The following UTRN variants were observed in gnomAD, a reference collection of about 807,000 sequenced individuals.
UTRN encodes the protein dystrophin-related protein 1.
A neutral mutation model predicts 463.9 loss-of-function variants in UTRN; 283 were observed. The observed-to-expected ratio is 0.61, with a 90% CI of 0.55 to 0.67. The LOEUF (loss-of-function observed/expected upper bound fraction) is 0.67, where lower values mean the gene tolerates loss of function less well. Among genes scored for constraint, UTRN ranks in the 30% least tolerant of loss-of-function variants. The pLI is 0.00. For missense variants in UTRN, 3,922 were observed against 4,084.3 expected (o/e 0.96, Z 1.08); for synonymous variants, 1,442 against 1,431.5 (o/e 1.01, Z -0.17).
intron 53 of UTRN, among the ~76,000 whole-genome samples, chr6:144,709,048 T>C (rs765650628): frequency 2.0e-5 from 3 of 152,218 alleles, no homozygotes; most frequent in Non-Finnish European, 2.9e-5. Flanking sequence ...CAAACCCTCA[T>C]GACCTAATCA....
chr6:144,371,112 T>A (rs891240845), intron 2 of UTRN, among the ~76,000 whole-genome samples: 2 of 152,256 alleles, frequency 1.3e-5, no homozygotes, highest in African/African-American at 4.8e-5. Context: ...TGTGCCAGAA[T>A]AGAGTCAAGT....
intron 2 of UTRN, among the ~76,000 whole-genome samples, chr6:144,387,793 T>C (rs1017698158): frequency 1.3e-5 from 2 of 152,192 alleles, no homozygotes; most frequent in African/African-American, 2.4e-5. Context: ...GGAGCTTTTT[T>C]TGTTTTTGGT....
chr6:144,505,992 C>G (rs1343270746), intron 34 of UTRN, among the ~76,000 whole-genome samples: 1 of 152,058 alleles, frequency 6.6e-6, no homozygotes, highest in Non-Finnish European at 1.5e-5. Context: ...GCATTGATCC[C>G]TTTACCATTC....
chr6:144,456,272 A>G lies in UTRN; in HGVS notation c.2284+2403A>G, dbSNP rs545175490. On this transcript the variant is annotated intron_variant, in intron 19 of 74. Coordinates refer to ENST00000367545, the MANE Select transcript of UTRN (RefSeq NM_007124.3). ...AACCAGTTCCATCAAAAAGCCCACC[A>G]TAGCCAATTCTGATAGGTCTTTCCT... Among the ~76,000 whole-genome samples the G allele has an allele frequency of 5.3e-5, 8 of 152,318 alleles. No individual in the cohort carries two copies. In the South Asian group the frequency reaches 1.2e-3, roughly 24 times the overall value.
intron 51 of UTRN, among the ~76,000 whole-genome samples, chr6:144,606,680 T>A (rs1804881634): frequency 6.6e-6 from 1 of 152,246 alleles, no homozygotes; most frequent in Non-Finnish European, 1.5e-5. Flanking sequence ...ATTCTATAAA[T>A]TTGATCTTAC....
At chr6:144,501,769 A>T (rs534211568) in intron 34 of UTRN, among the ~76,000 whole-genome samples, 1 of 152,318 alleles carries the variant, frequency 6.6e-6, no homozygotes, top group African/African-American at 2.4e-5. Context: ...CCCTAAAAGT[A>T]TTGATCAAGG....
intron 64 of UTRN, among the ~76,000 whole-genome samples, chr6:144,802,161 C>G (rs530013473): frequency 1.0e-3 from 154 of 152,324 alleles, no homozygotes; most frequent in South Asian, 1.2e-3. Context: ...TCATACCTGT[C>G]AAGCCATGCT....
intron 69 of UTRN, among the ~76,000 whole-genome samples, chr6:144,831,709 G>A (rs1780688684): frequency 6.6e-6 from 1 of 152,166 alleles, no homozygotes; most frequent in African/African-American, 2.4e-5. Flanking sequence ...TAGGACTCAT[G>A]ACGGTTCTGG....
At chr6:144,716,086 C>T (rs2128706235) in intron 53 of UTRN, among the ~76,000 whole-genome samples, 1 of 152,222 alleles carries the variant, frequency 6.6e-6, no homozygotes, top group East Asian at 1.9e-4. Flanking sequence ...CACAATGGCA[C>T]TTTATGCCTT....
intron 51 of UTRN, among the ~76,000 whole-genome samples, chr6:144,578,823 C>T (rs986310822): frequency 1.3e-5 from 2 of 152,110 alleles, no homozygotes; most frequent in South Asian, 2.1e-4. Flanking sequence ...TTTTTAAATC[C>T]GTTCTTAGGA....
chr6:144,535,564 C>T (rs1797456475), intron 43 of UTRN, among the ~76,000 whole-genome samples: 2 of 152,150 alleles, frequency 1.3e-5, no homozygotes, highest in African/African-American at 2.4e-5. Context: ...TGAATCTCTT[C>T]CCCAACAGCT....
At position 144,564,430 on chromosome 6, in the gene UTRN, A is replaced by G. The variant is rs187575377; in HGVS notation, c.7289+7119A>G. On this transcript the variant is annotated intron_variant, in intron 50 of 74. Coordinates refer to ENST00000367545, the MANE Select transcript of UTRN (RefSeq NM_007124.3). ...ATGAATATGATGGTAAGAGCTTGAG[A>G]TGCGGTAGGAGAGGAAGGCAGAGGC... Among the ~76,000 whole-genome samples the G allele has an allele frequency of 4.4e-3, 669 of 152,282 alleles. 3 individuals carry two copies. The highest frequency in any genetic ancestry group is 0.016 in the African/African-American group (646 of 41,570).
Position 144,836,556 on chromosome 6 carries a change from A to G in UTRN, c.10065+15A>G, listed in dbSNP as rs780709042. 6.2e-7 allele frequency: 1 copy of G among 1,611,938 alleles called. No individual in the cohort carries two copies. The highest frequency in any genetic ancestry group is 1.7e-5 in the Admixed American group (1 of 60,002). ...TGCTGGAGCAGGTAGGGTGTGTAGA[A>G]TTCAGCGTCACACCTCCCCAGGCCA... On this transcript the variant is annotated intron_variant, in intron 71 of 74. Transcript: ENST00000367545.
chr6:144,382,964 C>T (rs1781063638), intron 2 of UTRN, among the ~76,000 whole-genome samples: 2 of 152,198 alleles, frequency 1.3e-5, no homozygotes, highest in African/African-American at 4.8e-5. Flanking sequence ...CAGGTTCTCA[C>T]TCTGTCTCCC....
intron 2 of UTRN, among the ~76,000 whole-genome samples, chr6:144,321,769 C>CTT (rs59340673): frequency 1.5e-5 from 2 of 135,548 alleles, no homozygotes; most frequent in Non-Finnish European, 3.2e-5. Context: ...TGTGCCTGGC[C>CTT]TTTTTTTTTT....
chr6:144,851,189 A>T lies in UTRN; in HGVS notation c.*192A>T. On this transcript the variant is annotated 3_prime_UTR_variant, in exon 75 of 75. Coordinates refer to ENST00000367545, the MANE Select transcript of UTRN (RefSeq NM_007124.3). ...GAAATGGATATTTTGTTTTTATAAT[A>T]ACCATATATTATTGTTTTCTTCTTC... The T allele has an allele frequency of 4.5e-6, 3 of 673,816 alleles. No individual in the cohort carries two copies. Among genetic ancestry groups the T allele is most frequent in the Non-Finnish European group, 7.7e-6 (3 of 391,202 alleles). The allele number at this position is 673,816 out of a possible 1,614,324, so 41.7% of individuals were successfully genotyped here. A position where few individuals can be genotyped will look rare whatever the true frequency, so the allele number is the denominator to read the frequency against.
chr6:144,790,994 T>C (rs1309019090), intron 62 of UTRN, among the ~76,000 whole-genome samples: 4 of 152,228 alleles, frequency 2.6e-5, no homozygotes, highest in Non-Finnish European at 4.4e-5. Context: ...TGATATTTAA[T>C]TGAATCCAGG....
intron 50 of UTRN, among the ~76,000 whole-genome samples, chr6:144,562,334 A>C (rs1800007590): frequency 6.6e-6 from 1 of 152,060 alleles, no homozygotes. Context: ...TTCATTAGCT[A>C]TATATCCTGA....
rs193101701 is a variant in UTRN at position 144,434,020 on chromosome 6, G to A, written c.856-1915G>A. On this transcript the variant is annotated intron_variant, in intron 9 of 74. Transcript: ENST00000367545. ...TGGGATGTGGAGGTTGTAGCGAGCC[G>A]AGATCACGCCACTGCACTCCAGCCT... is the stretch of plus-strand genomic sequence containing the variant. Among the ~76,000 whole-genome samples, 1,377 of 151,894 alleles carry A rather than the reference G, an allele frequency of 9.1e-3. 21 individuals are homozygous for A. Among genetic ancestry groups the A allele is most frequent in the African/African-American group, 0.031 (1,292 of 41,542 alleles).
Sources: gnomAD v4.1 joint callset for allele counts (sites outside exome capture counted in the v4.1 genomes callset) on GRCh38, gnomAD v4.1.1 for gene constraint, MANE v1.5 for transcripts, NCBI Gene and HGNC (gene_info 2026-07-23, HGNC 2026-07-21) for gene names.